ANKRD6: variants seen among roughly 807,000 people sequenced by gnomAD.
ANKRD6 encodes ankyrin repeat domain 6.
A neutral mutation model predicts 82.3 loss-of-function variants in ANKRD6; 56 were observed. The observed-to-expected ratio is 0.68, with a 90% confidence interval of 0.55 to 0.85. The LOEUF (loss-of-function observed/expected upper bound fraction) is 0.85, where lower values mean the gene tolerates loss of function less well. Ranked by LOEUF, ANKRD6 falls within the 40% of genes least tolerant of loss-of-function variation. ANKRD6 has a pLI of 0.00. For synonymous variants in ANKRD6, 347 were observed against 352.1 expected (o/e 0.99, Z 0.16); for missense variants, 852 against 907.6 (o/e 0.94, Z 0.79).
At chr6:89,472,525 A>G (rs1329734234) in intron 1 of ANKRD6, among the ~76,000 whole-genome samples, 2 of 152,066 alleles carry the variant, frequency 1.3e-5, no homozygotes, top group Admixed American at 1.3e-4. Flanking sequence ...TACACTTATG[A>G]TTTCTATTTC....
chr6:89,577,252 C>T (rs149802157), intron 2 of ANKRD6, among the ~76,000 whole-genome samples: 135 of 152,168 alleles, frequency 8.9e-4, no homozygotes, highest in Admixed American at 7.3e-3. Context: ...CCTCCACTGA[C>T]GCTTCCTGTC....
At chr6:89,483,767 T>C (rs1777054651) in intron 1 of ANKRD6, among the ~76,000 whole-genome samples, 3 of 152,214 alleles carry the variant, frequency 2.0e-5, no homozygotes, top group South Asian at 4.1e-4. Flanking sequence ...CAGAGAGATA[T>C]ATTTGTGCAC....
intron 2 of ANKRD6, among the ~76,000 whole-genome samples, chr6:89,577,050 C>T (rs1791274384): frequency 6.6e-6 from 1 of 152,058 alleles, no homozygotes. Flanking sequence ...CCACCATGCC[C>T]AGCCTTCCTG....
At chr6:89,628,002 T>C (rs1287052168) in intron 14 of ANKRD6, among the ~76,000 whole-genome samples, 2 of 152,180 alleles carry the variant, frequency 1.3e-5, no homozygotes, top group African/African-American at 4.8e-5. Context: ...GAACAAGACA[T>C]AGTTTCTACC....
intron 2 of ANKRD6, among the ~76,000 whole-genome samples, chr6:89,590,793 T>C (rs1402840650): frequency 1.3e-5 from 2 of 152,172 alleles, no homozygotes; most frequent in African/African-American, 4.8e-5. Context: ...CTGTATAACT[T>C]AGAACAAGTG....
At chr6:89,555,447 G>A (rs1174349689) in intron 1 of ANKRD6, among the ~76,000 whole-genome samples, 1 of 152,058 alleles carries the variant, frequency 6.6e-6, no homozygotes, top group Non-Finnish European at 1.5e-5. Context: ...ATACATAAGG[G>A]AGTGGGCTTA....
chr6:89,447,844 C>A (rs1008279477), intron 1 of ANKRD6, among the ~76,000 whole-genome samples: 1 of 72,722 alleles, frequency 1.4e-5, no homozygotes, highest in South Asian at 3.6e-4. Flanking sequence ...TGTGCCACCA[C>A]GCCCAGCTAA....
intron 4 of ANKRD6, among the ~76,000 whole-genome samples, chr6:89,605,520 T>C (rs1798315679): frequency 6.6e-6 from 1 of 152,270 alleles, no homozygotes; most frequent in Middle Eastern, 3.4e-3. Flanking sequence ...TGAAAAAAAG[T>C]TGGGGAATCG....
At chr6:89,480,342 T>C (rs566749037) in intron 1 of ANKRD6, among the ~76,000 whole-genome samples, 32 of 152,294 alleles carry the variant, frequency 2.1e-4, no homozygotes, top group Non-Finnish European at 4.4e-4. Context: ...ACTGCAGTTA[T>C]GGTGACACAT....
chr6:89,623,820 A>G (rs1396455356), intron 11 of ANKRD6, 52 bp from the exon 12 acceptor site: 72 of 1,541,406 alleles, frequency 4.7e-5, no homozygotes, highest in Non-Finnish European at 6.0e-5. Context: ...GACTGGTGTC[A>G]GTCTTGCAGA....
intron 9 of ANKRD6, 73 bp from the exon 10 acceptor site, chr6:89,621,849 G>A: frequency 6.9e-7 from 1 of 1,451,688 alleles, no homozygotes; most frequent in South Asian, 1.2e-5. Flanking sequence ...CAGAGCCCCA[G>A]GTCCAAGGAG....
At chr6:89,436,946 G>A (rs1217967864) in intron 1 of ANKRD6, among the ~76,000 whole-genome samples, 2 of 152,078 alleles carry the variant, frequency 1.3e-5, no homozygotes, top group African/African-American at 2.4e-5. Context: ...ATTATTTACT[G>A]GTGGGTTCCT....
rs141500300 is a variant in ANKRD6, at chr6:89,600,156, C to T, written c.220-2873C>T. 2.2e-3 allele frequency among the ~76,000 whole-genome samples: 330 copies of T among 152,312 alleles called. 2 individuals carry two copies. The highest frequency in any genetic ancestry group is 7.2e-3 in the African/African-American group (300 of 41,562). On this transcript the variant is annotated intron_variant, in intron 3 of 15. Coordinates refer to ENST00000339746, the MANE Select transcript of ANKRD6 (RefSeq NM_001242809.2). ...CTGAACTGAAAGTTAGATTGAGCTG[C>T]TTGCATTGAGCTAGAGTTTCACAAA...
intron 1 of ANKRD6, among the ~76,000 whole-genome samples, chr6:89,458,841 T>C (rs890200892): frequency 1.3e-4 from 20 of 152,180 alleles, no homozygotes; most frequent in African/African-American, 4.3e-4. Context: ...CATCACAGTG[T>C]GAAATTCCAC....
intron 12 of ANKRD6, 111 bp from the exon 13 acceptor site, chr6:89,624,428 T>C (rs1804858296): frequency 1.5e-6 from 2 of 1,334,176 alleles, no homozygotes; most frequent in African/African-American, 2.9e-5. Context: ...TGAGCCTATC[T>C]CTTCCATCAT....
At chr6:89,629,486 T>G in intron 15 of ANKRD6, 1 of 512,740 alleles carries the variant, frequency 2.0e-6, no homozygotes, top group Non-Finnish European at 3.6e-6. Context: ...TGACTGGTGA[T>G]AACATTGCCT....
intron 13 of ANKRD6, among the ~76,000 whole-genome samples, chr6:89,626,066 T>G (rs1333180517): frequency 6.6e-6 from 1 of 152,204 alleles, no homozygotes; most frequent in Non-Finnish European, 1.5e-5. Flanking sequence ...CCAAATTGAT[T>G]AAGGACATTT....
intron 1 of ANKRD6, among the ~76,000 whole-genome samples, chr6:89,459,161 C>T (rs746783506): frequency 9.9e-5 from 15 of 152,164 alleles, no homozygotes; most frequent in Non-Finnish European, 2.1e-4. Context: ...TCACTGCAAC[C>T]TCCGTCTCCT....
intron 15 of ANKRD6, 99 bp from the exon 16 acceptor site, chr6:89,630,334 T>C (rs531615929): frequency 5.1e-6 from 7 of 1,385,378 alleles, no homozygotes; most frequent in African/African-American, 4.4e-5. Context: ...AGAAGGCTGG[T>C]GATATACAGG....
Sources: allele counts gnomAD v4.1 joint callset (sites outside exome capture counted in the v4.1 genomes callset), GRCh38; gene constraint gnomAD v4.1.1; transcripts MANE v1.5; gene names NCBI Gene and HGNC (gene_info 2026-07-23, HGNC 2026-07-21).